The following NDUFA8 variants were observed in gnomAD, a reference collection of about 807,000 sequenced individuals.
NDUFA8 encodes the protein NADH:ubiquinone oxidoreductase subunit A8.
A neutral mutation model predicts 20.9 loss-of-function variants in NDUFA8; 16 were observed. That is an observed-to-expected ratio of 0.77 (90% CI 0.52 to 1.16). The LOEUF is 1.16. Ranked by LOEUF, NDUFA8 falls within the 50% of genes most tolerant of loss-of-function variation. The pLI is 0.00. For synonymous variants in NDUFA8, 70 were observed against 76.1 expected (o/e 0.92, Z 0.41); for missense variants, 202 against 216.4 (o/e 0.93, Z 0.42).
At chr9:122,142,050 T>C (rs1828830234), downstream of NDUFA8, among the ~76,000 whole-genome samples, 1 of 152,176 alleles carries the variant, frequency 6.6e-6, no homozygotes, top group Admixed American at 6.5e-5. Flanking sequence ...GTGCTAGAAG[T>C]TGCAGCAGGT....
intron 3 of NDUFA8, among the ~76,000 whole-genome samples, chr9:122,147,090 C>G (rs1361324862): frequency 6.6e-6 from 1 of 152,192 alleles, no homozygotes; most frequent in Non-Finnish European, 1.5e-5. Context: ...CCACACAGAT[C>G]ACTCTTCTTG....
chr9:122,141,099 CA>C (rs1212670864), downstream of NDUFA8, among the ~76,000 whole-genome samples: 1 of 152,144 alleles, frequency 6.6e-6, no homozygotes, highest in Non-Finnish European at 1.5e-5. Flanking sequence ...TGTTTCCTGG[CA>C]AGGGGATAGC....
At chr9:122,140,966 G>A (rs182253401), downstream of NDUFA8, among the ~76,000 whole-genome samples, 84 of 152,260 alleles carry the variant, frequency 5.5e-4, no homozygotes, top group African/African-American at 1.8e-3. Context: ...ATTGTGTCAC[G>A]GGAACAAAGG....
At chr9:122,138,042 G>C in the NDUFA8 span, among the ~76,000 whole-genome samples, 2 of 152,218 alleles carry the variant, frequency 1.3e-5, no homozygotes, top group Non-Finnish European at 2.9e-5. Flanking sequence ...AGCAGCCCAA[G>C]GGTGCTGTGT....
chr9:122,143,906 C>G (rs1375864108), downstream of NDUFA8, among the ~76,000 whole-genome samples: 1 of 152,200 alleles, frequency 6.6e-6, no homozygotes, highest in Non-Finnish European at 1.5e-5. Context: ...TTCACATGGC[C>G]ACTTCTGCCT....
intron 1 of NDUFA8, among the ~76,000 whole-genome samples, chr9:122,152,698 G>T (rs1054679437): frequency 6.6e-6 from 1 of 151,980 alleles, no homozygotes; most frequent in African/African-American, 2.4e-5. Flanking sequence ...TGGGATTACA[G>T]GCATAAGCCA....
chr9:122,157,285 T>C (rs10985553), intron 1 of NDUFA8, among the ~76,000 whole-genome samples: 48,551 of 152,072 alleles, frequency 0.32, 11,514 homozygotes, highest in African/African-American at 0.67. Context: ...TTACATTATG[T>C]CCAAAAAGTG....
chr9:122,136,665 T>C, the NDUFA8 span, among the ~76,000 whole-genome samples: 5 of 152,104 alleles, frequency 3.3e-5, no homozygotes, highest in African/African-American at 1.2e-4. Flanking sequence ...CAAGTGATTC[T>C]CCTGCCTTAG....
At chr9:122,146,213 C>A (rs1272728308) in intron 3 of NDUFA8, among the ~76,000 whole-genome samples, 2 of 152,136 alleles carry the variant, frequency 1.3e-5, no homozygotes, top group Non-Finnish European at 2.9e-5. Context: ...GATCCTCCTG[C>A]CTCAGCCTCC....
downstream of NDUFA8, among the ~76,000 whole-genome samples, chr9:122,139,851 G>A (rs1313406536): frequency 6.6e-6 from 1 of 152,092 alleles, no homozygotes; most frequent in Non-Finnish European, 1.5e-5. Flanking sequence ...GTACCACTAC[G>A]CCCAGCTAAT....
At chr9:122,150,026 C>T (rs1448014848) in intron 2 of NDUFA8, among the ~76,000 whole-genome samples, 2 of 152,064 alleles carry the variant, frequency 1.3e-5, no homozygotes, top group Non-Finnish European at 2.9e-5. Flanking sequence ...CAAATCAATG[C>T]AAATTGAAAC....
At chr9:122,156,446 C>T (rs758686805) in intron 1 of NDUFA8, among the ~76,000 whole-genome samples, 5 of 152,052 alleles carry the variant, frequency 3.3e-5, no homozygotes, top group Non-Finnish European at 5.9e-5. Flanking sequence ...GAGAATAGTA[C>T]TTAATAGAAC....
downstream of NDUFA8, among the ~76,000 whole-genome samples, chr9:122,143,285 G>C (rs1055375699): frequency 6.6e-6 from 1 of 152,164 alleles, no homozygotes; most frequent in African/African-American, 2.4e-5. Context: ...CTTATGCGGG[G>C]TCATACGCAA....
the NDUFA8 span, among the ~76,000 whole-genome samples, chr9:122,134,959 A>G: frequency 1.3e-5 from 2 of 152,232 alleles, no homozygotes; most frequent in African/African-American, 4.8e-5. Flanking sequence ...AGAGCTGCAC[A>G]ACGGGTTCAA....
At chr9:122,145,983 T>C (rs767530925) in intron 3 of NDUFA8, among the ~76,000 whole-genome samples, 53 of 151,808 alleles carry the variant, frequency 3.5e-4, no homozygotes, top group Admixed American at 9.8e-4. Context: ...ACCCCTTCTC[T>C]ACTAAAAATA....
chr9:122,159,606 C>G, intron 1 of NDUFA8, 21 bp downstream of exon 1: 1 of 1,614,096 alleles, frequency 6.2e-7, no homozygotes, highest in Non-Finnish European at 8.5e-7. Context: ...TCTCCCTTGC[C>G]TGTCCTCCGG....
At chr9:122,151,005 G>C in intron 2 of NDUFA8, among the ~76,000 whole-genome samples, 1 of 143,044 alleles carries the variant, frequency 7.0e-6, no homozygotes, top group African/African-American at 2.5e-5. Flanking sequence ...AGATGATCAT[G>C]AAGACTATAT....
chr9:122,152,217 A>G (rs753563455), intron 2 of NDUFA8, 28 bp downstream of exon 2: 18 of 1,613,880 alleles, frequency 1.1e-5, no homozygotes, highest in Non-Finnish European at 1.4e-5. Flanking sequence ...GCTTCAACCA[A>G]GTAGGCACTG....
At chr9:122,149,562 T>A (rs2118704870) in intron 2 of NDUFA8, among the ~76,000 whole-genome samples, 1 of 152,348 alleles carries the variant, frequency 6.6e-6, no homozygotes, top group African/African-American at 2.4e-5. Context: ...AATTCCTCTA[T>A]GGATTCACCT....
Sources: gnomAD v4.1 joint callset for allele counts (sites outside exome capture counted in the v4.1 genomes callset) on GRCh38, gnomAD v4.1.1 for gene constraint, MANE v1.5 for transcripts, NCBI Gene and HGNC (gene_info 2026-07-23, HGNC 2026-07-21) for gene names.